UBIAD1: variants seen among roughly 807,000 people sequenced by gnomAD.
UBIAD1 encodes ubiA prenyltransferase domain-containing protein 1.
UBIAD1 carries 12 observed loss-of-function variants against 20.1 expected under a neutral mutation model. That is an observed-to-expected ratio of 0.60 (90% CI 0.38 to 0.97). The LOEUF (loss-of-function observed/expected upper bound fraction) is 0.97, where lower values mean the gene tolerates loss of function less well. UBIAD1 is among the 50% of genes least tolerant of loss of function. The pLI, the probability that UBIAD1 is intolerant of heterozygous loss-of-function variation, is 0.00. For synonymous variants in UBIAD1, 207 were observed against 189.2 expected, an observed-to-expected ratio of 1.09 and a Z score of -0.77; for missense variants, 333 against 419.5, an observed-to-expected ratio of 0.79 and a Z score of 1.80.
intron 1 of UBIAD1, among the ~76,000 whole-genome samples, chr1:11,282,397 A>G (rs936523804): frequency 1.3e-5 from 2 of 152,162 alleles, no homozygotes; most frequent in African/African-American, 2.4e-5. Flanking sequence ...GGTAGAGCAC[A>G]TGAAGCCTTG....
At chr1:11,282,739 G>A (rs970327818) in intron 1 of UBIAD1, among the ~76,000 whole-genome samples, 5 of 146,190 alleles carry the variant, frequency 3.4e-5, no homozygotes, top group African/African-American at 1.3e-4. Flanking sequence ...ATTTTTTTTT[G>A]TATTTTTAGT....
At chr1:11,283,063 T>C (rs536383920) in intron 1 of UBIAD1, among the ~76,000 whole-genome samples, 2 of 152,108 alleles carry the variant, frequency 1.3e-5, no homozygotes, top group East Asian at 1.9e-4. Context: ...GGTTTCTCCA[T>C]GTTGGTCAGG....
Position 11,285,456 on chromosome 1 carries a change from C to T in UBIAD1, c.530-188C>T, listed in dbSNP as rs557841863. 1.1e-4 allele frequency among the ~76,000 whole-genome samples: 16 copies of T among 152,260 alleles called. No homozygotes were observed. Among genetic ancestry groups the T allele is most frequent in the South Asian group, 2.1e-4 (1 of 4,826 alleles). ...CTTGAGGCCTCACTGGGCATTCTCT[C>T]TGCACCTGTGGCATTGGAGAAGAAA... On this transcript the variant is annotated intron_variant, in intron 1 of 1. Transcript: ENST00000376810. This position sits in a 1 kb window ranked among gnomAD's most constrained non-coding sequence, Gnocchi z 4.4.
At chr1:11,274,689 A>G (rs1177526449) in intron 1 of UBIAD1, among the ~76,000 whole-genome samples, 1 of 151,424 alleles carries the variant, frequency 6.6e-6, no homozygotes, top group East Asian at 1.9e-4. Flanking sequence ...GGCTTACTGC[A>G]ACCTCTGTCT....
downstream of UBIAD1, among the ~76,000 whole-genome samples, chr1:11,298,139 A>C (rs1250301186): frequency 6.6e-6 from 1 of 151,890 alleles, no homozygotes; most frequent in Non-Finnish European, 1.5e-5. This position sits in a 1 kb window ranked among gnomAD's most constrained non-coding sequence, Gnocchi z 4.0. Flanking sequence ...TTGTATTTTT[A>C]GTAGAGAAGG....
chr1:11,297,967 G>GTT (rs563239405), downstream of UBIAD1, among the ~76,000 whole-genome samples: 3,291 of 148,004 alleles, frequency 0.022, 111 homozygotes, highest in African/African-American at 0.074. Flanking sequence ...TTGTTTTTTT[G>GTT]TTTTTTTTTT....
chr1:11,296,965 C>T (rs1638458679), downstream of UBIAD1, among the ~76,000 whole-genome samples: 1 of 152,178 alleles, frequency 6.6e-6, no homozygotes, highest in Admixed American at 6.5e-5. Context: ...TTCATTCATT[C>T]AACAAACATG....
downstream of UBIAD1, among the ~76,000 whole-genome samples, chr1:11,296,329 C>T (rs1204403835): frequency 6.6e-6 from 1 of 152,156 alleles, no homozygotes; most frequent in Non-Finnish European, 1.5e-5. Flanking sequence ...GAAGTCCAGG[C>T]TCGATCACTC....
rs1351668242 is a variant in UBIAD1, at chr1:11,286,475, G to A, written c.*344G>A. 2 of 352,720 alleles carry A rather than the reference G, an allele frequency of 5.7e-6. No homozygotes were observed. The highest frequency in any genetic ancestry group is 1.1e-5 in the Non-Finnish European group (2 of 186,412). The allele number at this position is 352,720 out of a possible 1,614,324, so 21.8% of individuals were successfully genotyped here. The stretch of plus-strand genomic sequence containing the variant: ...TCTGTACAAAATGTCTCCAGACTTT[G>A]TAAAGGAGCTGCCCAGTTTGGCCTC... On this transcript the variant is annotated 3_prime_UTR_variant, in exon 2 of 2. Coordinates refer to ENST00000376810, the MANE Select transcript of UBIAD1 (RefSeq NM_013319.3).
chr1:11,283,196 G>A (rs940455102), intron 1 of UBIAD1, among the ~76,000 whole-genome samples: 1 of 152,166 alleles, frequency 6.6e-6, no homozygotes, highest in African/African-American at 2.4e-5. Flanking sequence ...ATCTAAGGAG[G>A]TGTTCTTGGA....
Position 11,287,398 on chromosome 1 carries a change from T to A in UBIAD1, c.*1267T>A, listed in dbSNP as rs926100715. 8 of 152,352 alleles carry A rather than the reference T, an allele frequency of 5.3e-5. No homozygotes were observed. The highest frequency in any genetic ancestry group is 1.4e-4 in the African/African-American group (6 of 41,582). 9.4% of individuals were successfully genotyped at this position (152,352 alleles called of 1,614,324 possible). ...CCTGGCTGCGTTTCATTGCATTGTC[T>A]GTGAAGTATAATTTCTGGGCCAGAA... On this transcript the variant is annotated 3_prime_UTR_variant, in exon 2 of 2. Transcript: ENST00000376810.
chr1:11,292,668 T>TACACACAC (rs71568319), downstream of UBIAD1, among the ~76,000 whole-genome samples: 163 of 140,734 alleles, frequency 1.2e-3, no homozygotes, highest in East Asian at 6.8e-3. Context: ...ATTTTATGTA[T>TACACACAC]ACACACACAC....
intron 1 of UBIAD1, among the ~76,000 whole-genome samples, chr1:11,283,060 C>T (rs1652297293): frequency 6.6e-6 from 1 of 152,046 alleles, no homozygotes; most frequent in African/African-American, 2.4e-5. Flanking sequence ...TGGGGTTTCT[C>T]CATGTTGGTC....
downstream of UBIAD1, among the ~76,000 whole-genome samples, chr1:11,296,711 G>A (rs145748145): frequency 1.3e-3 from 200 of 152,260 alleles, no homozygotes; most frequent in Admixed American, 2.7e-3. Context: ...ATAGAGACAA[G>A]ATTTCACCAT....
chr1:11,299,245 C>T (rs933722283), downstream of UBIAD1, among the ~76,000 whole-genome samples: 1 of 152,208 alleles, frequency 6.6e-6, no homozygotes, highest in African/African-American at 2.4e-5. Context: ...TGAGAGCCAC[C>T]AGACGCTGGA....
At chr1:11,299,432 C>G (rs1261842482), downstream of UBIAD1, among the ~76,000 whole-genome samples, 1 of 152,214 alleles carries the variant, frequency 6.6e-6, no homozygotes, top group Admixed American at 6.5e-5. Context: ...TGGTTCTCTT[C>G]CAACTCTAAA....
chr1:11,273,307 A>G lies in UBIAD1; in HGVS notation c.-225A>G. 1.7e-6 allele frequency: 1 copy of G among 589,442 alleles called. No homozygotes were observed. Among genetic ancestry groups the G allele is most frequent in the Non-Finnish European group, 3.0e-6 (1 of 331,780 alleles). 36.5% of individuals were successfully genotyped at this position (589,442 alleles called of 1,614,324 possible). A position where few individuals can be genotyped will look rare whatever the true frequency, so the allele number is the denominator to read the frequency against. ...TCTAACGCGGGGCTGGGGGCCGGAG[A>G]CAGACTTCGCCCAGGTGACGGGTAG... On this transcript the variant is annotated 5_prime_UTR_variant, in exon 1 of 2. Transcript: ENST00000376810. The surrounding 1 kb of genome is among the most constrained non-coding windows in gnomAD (Gnocchi z 4.9).
chr1:11,284,714 T>G (rs1178190408), intron 1 of UBIAD1, among the ~76,000 whole-genome samples: 1 of 152,216 alleles, frequency 6.6e-6, no homozygotes, highest in East Asian at 1.9e-4. Context: ...TCTGCCCGCC[T>G]TGGCCTCCCA....
chr1:11,293,595 C>T (rs752021352), intron 1 of UBIAD1: 5 of 152,220 alleles, frequency 3.3e-5, no homozygotes, highest in African/African-American at 9.6e-5. Context: ...GAGTTTGGAC[C>T]ACTGCATCAC....
Sources: allele counts gnomAD v4.1 joint callset (sites outside exome capture counted in the v4.1 genomes callset), GRCh38; gene constraint gnomAD v4.1.1; non-coding constraint Gnocchi (gnomAD v3.1); transcripts MANE v1.5; gene names NCBI Gene and HGNC (gene_info 2026-07-23, HGNC 2026-07-21).